The following NKAIN3 variants were observed in gnomAD, a reference collection of about 807,000 sequenced individuals.
NKAIN3 encodes the protein sodium/potassium transporting ATPase interacting 3.
Under a neutral mutation model 30.2 loss-of-function variants are expected in NKAIN3, and 25 were observed. That is an observed-to-expected ratio of 0.83 (90% CI 0.60 to 1.16). NKAIN3 has a LOEUF of 1.16. NKAIN3 is among the 50% of genes most tolerant of loss of function. The pLI, the probability that NKAIN3 is intolerant of heterozygous loss-of-function variation, is 0.00. For synonymous variants in NKAIN3, 91 were observed against 89.6 expected (o/e 1.02, Z -0.09); for missense variants, 225 against 254.1 (o/e 0.89, Z 0.78).
intron 1 of NKAIN3, among the ~76,000 whole-genome samples, chr8:62,308,875 C>T (rs1480042987): frequency 1.3e-5 from 2 of 150,304 alleles, no homozygotes; most frequent in Non-Finnish European, 2.9e-5. Context: ...GCCTGTACAA[C>T]TCATTGACCA....
At chr8:62,283,811 A>G (rs1813281618) in intron 1 of NKAIN3, among the ~76,000 whole-genome samples, 1 of 152,124 alleles carries the variant, frequency 6.6e-6, no homozygotes, top group African/African-American at 2.4e-5. Flanking sequence ...TACATGGACA[A>G]ATATTTTATT....
In NKAIN3 at chr8:62,541,247, G is replaced by C. The variant is rs138872135; in HGVS notation, c.55-38292G>C. ...CAGGAGAACTGCTAGAACCTGGGAG[G>C]GGGGAGGATGCAGTAAGTCAAGATC... On this transcript the variant is annotated intron_variant, in intron 1 of 6. Coordinates refer to ENST00000623646, the MANE Select transcript of NKAIN3 (RefSeq NM_001304533.3). 3.7e-3 allele frequency among the ~76,000 whole-genome samples: 564 copies of C among 152,232 alleles called. 2 individuals are homozygous for C. The highest frequency in any genetic ancestry group is 0.027 in the Middle Eastern group (8 of 294).
At chr8:62,434,801 G>T (rs1805118663) in intron 1 of NKAIN3, among the ~76,000 whole-genome samples, 1 of 152,138 alleles carries the variant, frequency 6.6e-6, no homozygotes, top group Non-Finnish European at 1.5e-5. Context: ...GCAATCTATA[G>T]ACCTCTCCTG....
At chr8:62,582,743 C>T (rs1203566858) in intron 2 of NKAIN3, among the ~76,000 whole-genome samples, 1 of 152,202 alleles carries the variant, frequency 6.6e-6, no homozygotes, top group Non-Finnish European at 1.5e-5. Flanking sequence ...GTCAGAGGCC[C>T]TGCTCTGCAG....
At chr8:62,318,615 G>T (rs528865024) in intron 1 of NKAIN3, among the ~76,000 whole-genome samples, 138 of 149,826 alleles carry the variant, frequency 9.2e-4, no homozygotes, top group African/African-American at 3.3e-3. Context: ...CATTGGTTCT[G>T]TTTATATGCT....
chr8:62,313,589 T>A (rs1171756360), intron 1 of NKAIN3, among the ~76,000 whole-genome samples: 1 of 152,140 alleles, frequency 6.6e-6, no homozygotes, highest in Non-Finnish European at 1.5e-5. Flanking sequence ...TATAAGGAGC[T>A]CAAGGGGAAA....
At chr8:62,731,234 G>GAC (rs67571816) in intron 3 of NKAIN3, among the ~76,000 whole-genome samples, 8,296 of 143,634 alleles carry the variant, frequency 0.058, 298 homozygotes, top group African/African-American at 0.11. Flanking sequence ...GGGATCACAG[G>GAC]ACACACACAC....
chr8:62,361,051 A>C (rs1430814426), intron 1 of NKAIN3, among the ~76,000 whole-genome samples: 1 of 151,382 alleles, frequency 6.6e-6, no homozygotes, highest in Non-Finnish European at 1.5e-5. Flanking sequence ...GACAAGAGCC[A>C]TCTCTACAGC....
intron 1 of NKAIN3, among the ~76,000 whole-genome samples, chr8:62,515,485 T>G (rs1807958202): frequency 1.3e-5 from 2 of 152,148 alleles, no homozygotes; most frequent in African/African-American, 4.8e-5. Flanking sequence ...TTTTCTTAAC[T>G]TTTATTTTAG....
At chr8:62,412,023 CAA>C (rs930794989) in intron 1 of NKAIN3, among the ~76,000 whole-genome samples, 20 of 152,018 alleles carry the variant, frequency 1.3e-4, no homozygotes, top group African/African-American at 4.8e-4. Flanking sequence ...AAAAAACTAC[CAA>C]AGTCATTCTT....
Position 62,977,749 on chromosome 8 carries a change from C to G in NKAIN3, c.*12342C>G, listed in dbSNP as rs1823977120. The G allele has an allele frequency of 6.6e-6, 1 of 151,990 alleles. No individual in the cohort carries two copies. Among genetic ancestry groups the G allele is most frequent in the African/African-American group, 2.4e-5 (1 of 41,400 alleles). 9.4% of individuals were successfully genotyped at this position (151,990 alleles called of 1,614,324 possible). ...ACACATTCTCCATTCAGTATTGTTC[C>G]CTTGCTGGTAAGGAGTTGTGATCCT... On this transcript the variant is annotated 3_prime_UTR_variant, in exon 7 of 7. Transcript: ENST00000623646.
At chr8:62,390,936 A>G (rs1044558143) in intron 1 of NKAIN3, among the ~76,000 whole-genome samples, 1 of 152,130 alleles carries the variant, frequency 6.6e-6, no homozygotes. Context: ...CAGATGCTGG[A>G]TATTAGAACT....
chr8:62,851,402 A>G (rs1271523525), intron 4 of NKAIN3, among the ~76,000 whole-genome samples: 4 of 152,152 alleles, frequency 2.6e-5, no homozygotes, highest in Non-Finnish European at 4.4e-5. Context: ...TCCTCTGCAA[A>G]CAGGGACAAT....
intron 1 of NKAIN3, among the ~76,000 whole-genome samples, chr8:62,547,951 C>G (rs1253389118): frequency 6.6e-6 from 1 of 152,154 alleles, no homozygotes; most frequent in East Asian, 1.9e-4. Context: ...TCTCAAGCTC[C>G]CAGGTGATAC....
intron 1 of NKAIN3, among the ~76,000 whole-genome samples, chr8:62,293,394 G>A (rs1813718056): frequency 6.6e-6 from 1 of 152,124 alleles, no homozygotes; most frequent in African/African-American, 2.4e-5. Flanking sequence ...TTTGATGATG[G>A]TGACATACAG....
chr8:62,479,287 T>C, intron 1 of NKAIN3, among the ~76,000 whole-genome samples: 1 of 152,194 alleles, frequency 6.6e-6, no homozygotes, highest in Non-Finnish European at 1.5e-5. Flanking sequence ...CTAGGTTCTC[T>C]GACAGGTACT....
intron 4 of NKAIN3, among the ~76,000 whole-genome samples, chr8:62,813,181 G>A (rs936398497): frequency 1.3e-5 from 2 of 151,692 alleles, no homozygotes; most frequent in Admixed American, 6.6e-5. Flanking sequence ...TTTATTTCTG[G>A]GTTCCCTATT....
At chr8:62,572,239 CT>C (rs1452425089) in intron 1 of NKAIN3, among the ~76,000 whole-genome samples, 1 of 152,180 alleles carries the variant, frequency 6.6e-6, no homozygotes, top group African/African-American at 2.4e-5. Context: ...GGACAAAATG[CT>C]GCCAGTCTCT....
chr8:62,488,160 C>T (rs1376320531), intron 1 of NKAIN3, among the ~76,000 whole-genome samples: 1 of 152,116 alleles, frequency 6.6e-6, no homozygotes, highest in Non-Finnish European at 1.5e-5. Flanking sequence ...GGCTATAACC[C>T]AATCAAGTCT....
Sources: gnomAD v4.1 joint callset for allele counts (sites outside exome capture counted in the v4.1 genomes callset) on GRCh38, gnomAD v4.1.1 for gene constraint, MANE v1.5 for transcripts, NCBI Gene and HGNC (gene_info 2026-07-23, HGNC 2026-07-21) for gene names.